Variants in TPST1 observed in about 807,000 individuals in gnomAD.
TPST1 encodes the protein protein-tyrosine sulfotransferase 1.
TPST1 carries 20 observed loss-of-function variants against 34.8 expected under a neutral mutation model. That is an observed-to-expected ratio of 0.57 (90% CI 0.40 to 0.84). TPST1 has a LOEUF of 0.84. Among genes scored for constraint, TPST1 ranks in the 40% least tolerant of loss-of-function variants. The probability of loss-of-function intolerance (pLI) is 0.00; values close to 1 mark genes in which losing one functional copy is unlikely to be tolerated. For synonymous variants in TPST1, 152 were observed against 159.4 expected, an observed-to-expected ratio of 0.95 and a Z score of 0.35; for missense variants, 353 against 455.5, an observed-to-expected ratio of 0.78 and a Z score of 2.05.
At chr7:66,223,842 A>T (rs1031370508) in intron 1 of TPST1, among the ~76,000 whole-genome samples, 2 of 152,190 alleles carry the variant, frequency 1.3e-5, no homozygotes, top group Non-Finnish European at 2.9e-5. Flanking sequence ...CCCTCCACAC[A>T]TTCCTGCTCT....
intron 1 of TPST1, among the ~76,000 whole-genome samples, chr7:66,211,690 G>T (rs950143335): frequency 1.3e-5 from 2 of 152,208 alleles, no homozygotes; most frequent in African/African-American, 4.8e-5. Context: ...CAGTCTTGCC[G>T]GGCGCAGTAG....
At chr7:66,272,417 G>T (rs1283574099) in intron 2 of TPST1, among the ~76,000 whole-genome samples, 1 of 152,058 alleles carries the variant, frequency 6.6e-6, no homozygotes, top group African/African-American at 2.4e-5. Context: ...ACAAAATTCA[G>T]CATCTTTTCA....
chr7:66,325,161 G>A (rs984115181), intron 3 of TPST1, among the ~76,000 whole-genome samples: 5 of 152,154 alleles, frequency 3.3e-5, no homozygotes, highest in Non-Finnish European at 7.3e-5. Context: ...AAGTCACAAA[G>A]GAGAAGTGCT....
At chr7:66,342,942 A>G (rs1013450493) in intron 3 of TPST1, among the ~76,000 whole-genome samples, 1 of 152,182 alleles carries the variant, frequency 6.6e-6, no homozygotes, top group African/African-American at 2.4e-5. Flanking sequence ...AAAGTGTATC[A>G]GAAGGGAAAC....
intron 2 of TPST1, among the ~76,000 whole-genome samples, chr7:66,284,102 A>T (rs1449187768): frequency 6.6e-6 from 1 of 152,178 alleles, no homozygotes; most frequent in African/African-American, 2.4e-5. Context: ...GGCTCTTGTA[A>T]ACTCAGTGGT....
At chr7:66,215,701 G>T (rs760276452) in intron 1 of TPST1, among the ~76,000 whole-genome samples, 1 of 149,818 alleles carries the variant, frequency 6.7e-6, no homozygotes, top group Non-Finnish European at 1.5e-5. Context: ...AGAAGAATTA[G>T]TGTCAATTTT....
intron 4 of TPST1, among the ~76,000 whole-genome samples, chr7:66,353,677 C>G (rs1241507791): frequency 2.0e-5 from 3 of 152,178 alleles, no homozygotes; most frequent in African/African-American, 7.2e-5. Flanking sequence ...TGAGTGCAGC[C>G]GACTTCCCTT....
At chr7:66,243,941 A>ATTTTTTTTTTTTTT (rs55829208) in intron 2 of TPST1, among the ~76,000 whole-genome samples, 5 of 116,234 alleles carry the variant, frequency 4.3e-5, no homozygotes, top group Non-Finnish European at 7.0e-5. Context: ...ATTCTGGGAA[A>ATTTTTTTTTTTTTT]TTTTTTTTTT....
intron 3 of TPST1, among the ~76,000 whole-genome samples, chr7:66,305,464 A>T (rs972363933): frequency 1.3e-5 from 2 of 152,208 alleles, no homozygotes; most frequent in Admixed American, 1.3e-4. Context: ...AAACAAGTGT[A>T]ATAGAAAATC....
At chr7:66,317,937 T>C (rs966884724) in intron 3 of TPST1, among the ~76,000 whole-genome samples, 1 of 152,164 alleles carries the variant, frequency 6.6e-6, no homozygotes, top group African/African-American at 2.4e-5. Flanking sequence ...AGCGGGTGGA[T>C]CACCTGAGGT....
chr7:66,247,724 C>T (rs1051651907), intron 2 of TPST1, among the ~76,000 whole-genome samples: 47 of 152,334 alleles, frequency 3.1e-4, no homozygotes, highest in African/African-American at 1.1e-3. Context: ...CTTTCCTTTT[C>T]CTTAGCCAAT....
chr7:66,249,437 G>C (rs1790218284), intron 2 of TPST1, among the ~76,000 whole-genome samples: 1 of 152,096 alleles, frequency 6.6e-6, no homozygotes, highest in Non-Finnish European at 1.5e-5. Flanking sequence ...GTCTAATGAA[G>C]AATTATTTCA....
At chr7:66,259,738 C>T (rs940511806) in intron 2 of TPST1, among the ~76,000 whole-genome samples, 3 of 152,238 alleles carry the variant, frequency 2.0e-5, no homozygotes, top group South Asian at 2.1e-4. Flanking sequence ...TTATTACAAT[C>T]GATGAATTTA....
intron 5 of TPST1, among the ~76,000 whole-genome samples, chr7:66,358,199 G>A (rs1405810370): frequency 6.6e-6 from 1 of 151,824 alleles, no homozygotes; most frequent in Non-Finnish European, 1.5e-5. Flanking sequence ...AGTGAGCCGA[G>A]ATTGCAGCAC....
the TPST1 span, among the ~76,000 whole-genome samples, chr7:66,199,077 T>G: frequency 6.6e-6 from 1 of 152,056 alleles, no homozygotes; most frequent in Non-Finnish European, 1.5e-5. Context: ...TCTCCTGGAG[T>G]CTCCCTGGCC....
At chr7:66,274,142 G>T (rs1286450145) in intron 2 of TPST1, among the ~76,000 whole-genome samples, 1 of 151,826 alleles carries the variant, frequency 6.6e-6, no homozygotes. Context: ...GCCGAGGTGG[G>T]TGGATCACAA....
At chr7:66,308,812 A>G (rs558030649) in intron 3 of TPST1, among the ~76,000 whole-genome samples, 2 of 152,286 alleles carry the variant, frequency 1.3e-5, no homozygotes, top group South Asian at 4.1e-4. Context: ...AGTTCTCTAG[A>G]CATTCCTGGG....
chr7:66,208,891 A>G (rs1789186978), intron 1 of TPST1, among the ~76,000 whole-genome samples: 1 of 152,252 alleles, frequency 6.6e-6, no homozygotes, highest in Admixed American at 6.5e-5. Context: ...ATTGCCAAGT[A>G]CATAGTGCTC....
chr7:66,292,847 C>A (rs1285080425), intron 3 of TPST1, among the ~76,000 whole-genome samples: 1 of 151,718 alleles, frequency 6.6e-6, no homozygotes, highest in Non-Finnish European at 1.5e-5. Flanking sequence ...AGCTGTAGAC[C>A]GGAGCTGTTC....
Sources: gnomAD v4.1 joint callset for allele counts (sites outside exome capture counted in the v4.1 genomes callset) on GRCh38, gnomAD v4.1.1 for gene constraint, MANE v1.5 for transcripts, NCBI Gene and HGNC (gene_info 2026-07-23, HGNC 2026-07-21) for gene names.